Variants in OR1J2 observed in about 807,000 individuals in gnomAD.
OR1J2 encodes olfactory receptor 1J2.
For missense variants in OR1J2, 304 were observed against 246.1 expected (o/e 1.24, Z -1.57); for synonymous variants, 142 against 99.7 (o/e 1.42, Z -2.52).
At chr9:122,512,952 C>T (rs1030114519), downstream of OR1J2, among the ~76,000 whole-genome samples, 35 of 152,106 alleles carry the variant, frequency 2.3e-4, no homozygotes, top group Non-Finnish European at 4.3e-4. Flanking sequence ...ATTTCACATA[C>T]GATGCACATT....
chr9:122,535,719 C>T, the OR1J2 span, among the ~76,000 whole-genome samples: 2 of 152,038 alleles, frequency 1.3e-5, no homozygotes, highest in African/African-American at 4.8e-5. Flanking sequence ...AAGGGAGGTC[C>T]CCTGATCCGA....
At chr9:122,515,285 C>G (rs1218433037), downstream of OR1J2, among the ~76,000 whole-genome samples, 1 of 151,556 alleles carries the variant, frequency 6.6e-6, no homozygotes, top group African/African-American at 2.4e-5. Flanking sequence ...GAAACCAGTC[C>G]ATACTCCCAG....
At chr9:122,574,285 C>G in the OR1J2 span, among the ~76,000 whole-genome samples, 1 of 152,070 alleles carries the variant, frequency 6.6e-6, no homozygotes, top group East Asian at 1.9e-4. Context: ...AATTTATACA[C>G]CGAATTCAGG....
the OR1J2 span, among the ~76,000 whole-genome samples, chr9:122,470,036 A>AATC: frequency 1.3e-5 from 2 of 152,192 alleles, no homozygotes; most frequent in African/African-American, 4.8e-5. Flanking sequence ...TAGGATAGAA[A>AATC]ATCTTATTTT....
At chr9:122,483,379 G>C in the OR1J2 span, among the ~76,000 whole-genome samples, 1 of 152,088 alleles carries the variant, frequency 6.6e-6, no homozygotes, top group South Asian at 2.1e-4. Flanking sequence ...TAGATAAACA[G>C]AAGTTAATTT....
At chr9:122,476,996 C>G in the OR1J2 span, 6 of 1,596,776 alleles carry the variant, frequency 3.8e-6, no homozygotes, top group East Asian at 1.3e-4. Context: ...GCATGAGCCA[C>G]TGCGCCTGAC....
chr9:122,511,644 C>A lies in OR1J2; in HGVS notation c.843C>A (p.Val281=). ...TTGTGGCTCTCATGTACACGGTGGT[C>A]ACACCCATGTTGAACCCCTTTATCT... ...DVIVALMYTV[V]TPMLNPFIYS... Residue 281 remains valine, a synonymous_variant, in exon 1 of 1, where the codon GTC becomes GTA. Coordinates refer to ENST00000335302, the MANE Select transcript of OR1J2 (RefSeq NM_054107.1). 1 of 781,014 alleles carries A rather than the reference C, an allele frequency of 1.3e-6. No homozygotes were observed. The highest frequency in any genetic ancestry group is 2.4e-6 in the Non-Finnish European group (1 of 418,118). 48.4% of individuals were successfully genotyped at this position (781,014 alleles called of 1,614,324 possible).
At chr9:122,563,434 T>C in the OR1J2 span, among the ~76,000 whole-genome samples, 1 of 152,220 alleles carries the variant, frequency 6.6e-6, no homozygotes, top group African/African-American at 2.4e-5. Flanking sequence ...TTTAGGTCTT[T>C]TCTCCATTTT....
chr9:122,580,368 GC>G, the OR1J2 span, among the ~76,000 whole-genome samples: 2 of 152,198 alleles, frequency 1.3e-5, no homozygotes, highest in Non-Finnish European at 2.9e-5. Flanking sequence ...ACACTAGAAT[GC>G]GGTCAGAATG....
the OR1J2 span, among the ~76,000 whole-genome samples, chr9:122,451,276 C>G: frequency 6.6e-6 from 1 of 151,768 alleles, no homozygotes; most frequent in Admixed American, 6.6e-5. Context: ...ACCTACACCA[C>G]CCGGGTTCAA....
the OR1J2 span, among the ~76,000 whole-genome samples, chr9:122,532,062 C>T: frequency 1.1e-5 from 1 of 87,012 alleles, no homozygotes; most frequent in Non-Finnish European, 2.6e-5. Flanking sequence ...GCAAATTTGC[C>T]AGTCCTGGGT....
chr9:122,572,115 A>G, the OR1J2 span, among the ~76,000 whole-genome samples: 1 of 152,136 alleles, frequency 6.6e-6, no homozygotes, highest in African/African-American at 2.4e-5. Flanking sequence ...AAACAAGTAG[A>G]TCTTGTGAAA....
the OR1J2 span, among the ~76,000 whole-genome samples, chr9:122,538,951 A>G: frequency 2.6e-5 from 4 of 152,142 alleles, no homozygotes; most frequent in African/African-American, 4.8e-5. Context: ...CCAGTTCACT[A>G]GAAGCCCAAA....
the OR1J2 span, among the ~76,000 whole-genome samples, chr9:122,559,396 G>T: frequency 6.6e-6 from 1 of 151,846 alleles, no homozygotes; most frequent in African/African-American, 2.4e-5. Context: ...GTGGTTTGTT[G>T]CAACTATCAA....
At chr9:122,452,014 G>A in the OR1J2 span, among the ~76,000 whole-genome samples, 1 of 152,172 alleles carries the variant, frequency 6.6e-6, no homozygotes, top group Non-Finnish European at 1.5e-5. Flanking sequence ...GAGTAACTGG[G>A]ACTACAGGTG....
At chr9:122,518,817 A>G in the OR1J2 span, among the ~76,000 whole-genome samples, 2 of 152,212 alleles carry the variant, frequency 1.3e-5, no homozygotes, top group Admixed American at 1.3e-4. Flanking sequence ...ATTGTTTTTA[A>G]AAGTACATAA....
the OR1J2 span, among the ~76,000 whole-genome samples, chr9:122,498,622 T>C: frequency 6.6e-6 from 1 of 152,314 alleles, no homozygotes; most frequent in East Asian, 1.9e-4. Flanking sequence ...ATTTTATCTG[T>C]CATTTCTGAG....
the OR1J2 span, among the ~76,000 whole-genome samples, chr9:122,459,256 G>A: frequency 6.6e-6 from 1 of 152,166 alleles, no homozygotes; most frequent in East Asian, 1.9e-4. Context: ...ATAAACATGG[G>A]AGGATAGACA....
chr9:122,562,408 A>T, the OR1J2 span, among the ~76,000 whole-genome samples: 2 of 152,200 alleles, frequency 1.3e-5, no homozygotes, highest in Non-Finnish European at 2.9e-5. Context: ...GCTATTGAGA[A>T]TCTGCGTAGC....
Sources: gnomAD v4.1 joint callset for allele counts (sites outside exome capture counted in the v4.1 genomes callset) on GRCh38, gnomAD v4.1.1 for gene constraint, MANE v1.5 for transcripts, NCBI Gene and HGNC (gene_info 2026-07-23, HGNC 2026-07-21) for gene names.